Variants in CIT observed in about 807,000 individuals in gnomAD.
CIT encodes the protein citron Rho-interacting kinase.
CIT carries 79 observed loss-of-function variants against 272.7 expected under a neutral mutation model. The ratio of observed to expected loss-of-function variants is 0.29; its 90% confidence interval spans 0.24 to 0.35. CIT has a LOEUF of 0.35. CIT is among the 10% of genes least tolerant of loss of function. CIT has a pLI of 1.00. For synonymous variants in CIT, 948 were observed against 995.6 expected, an observed-to-expected ratio of 0.95 and a Z score of 0.90; for missense variants, 1,909 against 2,618.3, an observed-to-expected ratio of 0.73 and a Z score of 5.91.
At chr12:119,708,555 G>A (rs769567539) in intron 39 of CIT, among the ~76,000 whole-genome samples, 6 of 151,742 alleles carry the variant, frequency 4.0e-5, no homozygotes, top group African/African-American at 7.3e-5. Flanking sequence ...GTACAATCTC[G>A]GCTCACTAAA....
intron 8 of CIT, among the ~76,000 whole-genome samples, chr12:119,824,038 CAAAAAAA>C (rs33990395): frequency 5.9e-5 from 3 of 50,700 alleles, no homozygotes; most frequent in African/African-American, 8.5e-5. Context: ...GACTCCATCT[CAAAAAAA>C]AAAAAAAAAA....
intron 32 of CIT, among the ~76,000 whole-genome samples, chr12:119,715,734 G>C (rs953287374): frequency 1.3e-5 from 2 of 152,270 alleles, no homozygotes; most frequent in African/African-American, 4.8e-5. Flanking sequence ...ATTAGAACAG[G>C]TTAGTTACAG....
rs1955682355 is a variant in CIT at position 119,688,173 on chromosome 12, T to C, written c.*59A>G. 6.4e-7 allele frequency: 1 copy of C among 1,564,334 alleles called. No homozygotes were observed. The highest frequency in any genetic ancestry group is 8.8e-7 in the Non-Finnish European group (1 of 1,134,700). Reference sequence around the variant, plus strand: ...TTGGGTCCCCATCAGCAGAGTTCCATAGTGTGTTTGGTGTTTTCCTGCAGA... The same window carrying C: ...TTGGGTCCCCATCAGCAGAGTTCCACAGTGTGTTTGGTGTTTTCCTGCAGA... On this transcript the variant is annotated 3_prime_UTR_variant, in exon 48 of 48. Coordinates refer to ENST00000392521, the MANE Select transcript of CIT (RefSeq NM_001206999.2).
At chr12:119,821,890 T>G (rs538550354) in intron 9 of CIT, among the ~76,000 whole-genome samples, 1 of 152,284 alleles carries the variant, frequency 6.6e-6, no homozygotes, top group South Asian at 2.1e-4. Context: ...ACTTAAATAT[T>G]TCAGCAGAAG....
At chr12:119,763,188 C>G (rs1962028549) in intron 19 of CIT, among the ~76,000 whole-genome samples, 2 of 47,492 alleles carry the variant, frequency 4.2e-5, no homozygotes, top group African/African-American at 2.1e-4. Context: ...CTAAAGACAT[C>G]TAAATCAATT....
intron 10 of CIT, among the ~76,000 whole-genome samples, chr12:119,792,829 G>T (rs1965421739): frequency 6.6e-6 from 1 of 151,994 alleles, no homozygotes; most frequent in Non-Finnish European, 1.5e-5. Flanking sequence ...GGGTGTGGTG[G>T]CACGCACCTG....
intron 10 of CIT, among the ~76,000 whole-genome samples, chr12:119,789,028 G>A (rs902496382): frequency 3.3e-5 from 5 of 152,248 alleles, no homozygotes; most frequent in Admixed American, 6.5e-5. Flanking sequence ...AGGTTATCAG[G>A]CTTCCTACAC....
rs1490637944 is a variant in CIT at position 119,712,530 on chromosome 12, C to T, written c.4684+61G>A. ...ATCTTCCCTGTACCACCCCTTCTGTCCCTGCTGATTGGCCAAGCCCGGCCC... is the reference window on the plus strand; with the variant it reads ...ATCTTCCCTGTACCACCCCTTCTGTTCCTGCTGATTGGCCAAGCCCGGCCC... On this transcript the variant is annotated intron_variant, in intron 36 of 47. Transcript: ENST00000392521. This position sits in a 1 kb window ranked among gnomAD's most constrained non-coding sequence, Gnocchi z 5.2. The T allele has an allele frequency of 3.3e-6, 5 of 1,508,142 alleles. No individual in the cohort carries two copies. The highest frequency in any genetic ancestry group is 3.6e-4 in the Middle Eastern group (2 of 5,482). The allele number at this position is 1,508,142 out of a possible 1,614,324, so 93.4% of individuals were successfully genotyped here.
Position 119,710,710 on chromosome 12 carries a change from T to A in CIT, c.4855-90A>T. ...CCATCCAGAGAAACCAAGAGAAGGT[T>A]AAGGCCAAGTTATTCCTGGAAATGC... On this transcript the variant is annotated intron_variant, in intron 37 of 47. Coordinates refer to ENST00000392521, the MANE Select transcript of CIT (RefSeq NM_001206999.2). This position sits in a 1 kb window ranked among gnomAD's most constrained non-coding sequence, Gnocchi z 5.6. 8.2e-7 allele frequency: 1 copy of A among 1,218,832 alleles called. No individual in the cohort carries two copies. Among genetic ancestry groups the A allele is most frequent in the Non-Finnish European group, 1.2e-6 (1 of 826,394 alleles). The allele number at this position is 1,218,832 out of a possible 1,614,324, so 75.5% of individuals were successfully genotyped here.
chr12:119,839,392 T>G (rs537128694), intron 5 of CIT, among the ~76,000 whole-genome samples: 4 of 152,314 alleles, frequency 2.6e-5, no homozygotes, highest in Admixed American at 2.0e-4. Flanking sequence ...CTTGAAATGT[T>G]TGCACGCTCA....
At chr12:119,731,755 T>G (rs1374184344) in intron 26 of CIT, among the ~76,000 whole-genome samples, 1 of 150,894 alleles carries the variant, frequency 6.6e-6, no homozygotes, top group East Asian at 1.9e-4. Context: ...CCACTTTCTC[T>G]TCTCAGGAGC....
At chr12:119,738,089 C>G (rs278112) in intron 24 of CIT, among the ~76,000 whole-genome samples, 37,643 of 152,082 alleles carry the variant, frequency 0.25, 4,894 homozygotes, top group Middle Eastern at 0.33. Flanking sequence ...ATTGGGGAAA[C>G]AGAGATGCTA....
chr12:119,732,238 C>T (rs1017530666), intron 26 of CIT, among the ~76,000 whole-genome samples: 6 of 152,168 alleles, frequency 3.9e-5, no homozygotes, highest in Non-Finnish European at 8.8e-5. Flanking sequence ...AAAAGAAAGG[C>T]ACGATCTTCC....
intron 9 of CIT, among the ~76,000 whole-genome samples, chr12:119,812,283 A>G (rs1966855048): frequency 6.6e-6 from 1 of 152,072 alleles, no homozygotes; most frequent in Admixed American, 6.6e-5. Flanking sequence ...CAAAGGAGCT[A>G]GTTCATCAGC....
In CIT at chr12:119,803,322, C is replaced by T. The variant is rs2137880126; in HGVS notation, c.1179G>A (p.Lys393=). Residue 393 remains lysine, a synonymous_variant, in exon 10 of 48, where the codon AAG becomes AAA. Coordinates refer to ENST00000392521, the MANE Select transcript of CIT (RefSeq NM_001206999.2). ...ACGGAGAGGATGAAACCCACGAATT[C>T]TTCTCTGGTTCATCAAAATTGGAGG... ...DDTSNFDEPE[K]NSWVSSSPCQ... is the part of the protein sequence containing the mutation. The T allele has an allele frequency of 6.2e-7, 1 of 1,607,484 alleles. No individual in the cohort carries two copies. Among genetic ancestry groups the T allele is most frequent in the East Asian group, 2.3e-5 (1 of 43,816 alleles).
Position 119,767,144 on chromosome 12 carries a change from G to A in CIT, c.2247C>T (p.Ala749=). ...EEKHREAQVS[A]QHLEVHLKQK... ...GTTTCAGGTGCACTTCTAGGTGCTG[G>A]GCTGAGACTTGGGCCTCCCGATGTT... is the stretch of plus-strand genomic sequence containing the variant. The change falls in exon 19 of 48, where the codon GCC becomes GCT. Residue 749 remains alanine, a synonymous_variant. Transcript: ENST00000392521. The A allele has an allele frequency of 6.2e-7, 1 of 1,610,718 alleles. No homozygotes were observed. Among genetic ancestry groups the A allele is most frequent in the East Asian group, 2.2e-5 (1 of 44,780 alleles).
chr12:119,775,730 A>T, intron 16 of CIT, 56 bp downstream of exon 16: 1 of 1,344,330 alleles, frequency 7.4e-7, no homozygotes, highest in Non-Finnish European at 1.1e-6. Context: ...CAAGGCAAAG[A>T]TGTTTGGAAA....
At chr12:119,700,701 C>T (rs902465375) in intron 44 of CIT, 44 bp downstream of exon 44, 3 of 1,508,308 alleles carry the variant, frequency 2.0e-6, no homozygotes, top group Admixed American at 3.3e-5. Flanking sequence ...TCCAGGACAC[C>T]AGCTGCTGGC....
intron 7 of CIT, among the ~76,000 whole-genome samples, chr12:119,829,344 A>AAGAAG (rs58685524): frequency 0.099 from 13,192 of 133,266 alleles, 830 homozygotes; most frequent in African/African-American, 0.12. Flanking sequence ...CTTGAAAGAA[A>AAGAAG]AGAAGAGAAG....
Sources: allele counts gnomAD v4.1 joint callset (sites outside exome capture counted in the v4.1 genomes callset), GRCh38; gene constraint gnomAD v4.1.1; non-coding constraint Gnocchi (gnomAD v3.1); transcripts MANE v1.5; gene names NCBI Gene and HGNC (gene_info 2026-07-23, HGNC 2026-07-21).